The following WDR17 variants were observed in gnomAD, a reference collection of about 807,000 sequenced individuals.
The protein encoded by WDR17 is WD repeat domain 17.
Under a neutral mutation model 161.7 loss-of-function variants are expected in WDR17, and 143 were observed. The observed-to-expected ratio is 0.88, with a 90% confidence interval of 0.77 to 1.02. The LOEUF (loss-of-function observed/expected upper bound fraction) is 1.02, where lower values mean the gene tolerates loss of function less well. Among genes scored for constraint, WDR17 ranks in the 50% least tolerant of loss-of-function variants. The pLI is 0.00. For synonymous variants in WDR17, 517 were observed against 515.6 expected, an observed-to-expected ratio of 1.00 and a Z score of -0.04; for missense variants, 1,469 against 1,520.9, an observed-to-expected ratio of 0.97 and a Z score of 0.57.
intron 1 of WDR17, among the ~76,000 whole-genome samples, chr4:176,092,779 C>T (rs551344465): frequency 3.3e-5 from 5 of 152,234 alleles, no homozygotes; most frequent in South Asian, 2.1e-4. Context: ...CGGTGGCTCA[C>T]GTCTGTAATC....
intron 2 of WDR17, among the ~76,000 whole-genome samples, chr4:176,113,769 C>G (rs1740160453): frequency 6.6e-6 from 1 of 151,894 alleles, no homozygotes; most frequent in African/African-American, 2.4e-5. Context: ...CGGTCACACT[C>G]TGGATAATGA....
Position 176,125,328 on chromosome 4 carries a change from A to G in WDR17, c.763A>G (p.Ser255Gly). 1 of 1,614,132 alleles carries G rather than the reference A, an allele frequency of 6.2e-7. No individual in the cohort carries two copies. Among genetic ancestry groups the G allele is most frequent in the Non-Finnish European group, 8.5e-7 (1 of 1,180,004 alleles). Residue 255 changes from serine to glycine, a missense_variant, in exon 5 of 29, where the codon AGT becomes GGT. Physicochemically the swap from Ser to Gly is moderately conservative, Grantham distance 56. Coordinates refer to ENST00000508596, the MANE Select transcript of WDR17 (RefSeq NM_181265.4). ...ASVQCLAWVP[S>G]APGMFITGDS... Reference sequence around the variant, plus strand: ...TGTACAGTGCTTAGCCTGGGTTCCCAGTGCTCCTGGGATGTTTATAACTGG... The same window carrying G: ...TGTACAGTGCTTAGCCTGGGTTCCCGGTGCTCCTGGGATGTTTATAACTGG...
At chr4:176,100,738 T>C (rs1737686835) in intron 1 of WDR17, among the ~76,000 whole-genome samples, 1 of 152,152 alleles carries the variant, frequency 6.6e-6, no homozygotes, top group Non-Finnish European at 1.5e-5. Flanking sequence ...AAGTGTTTAG[T>C]ACATCTTGAA....
intron 1 of WDR17, among the ~76,000 whole-genome samples, chr4:176,101,412 A>T (rs565161472): frequency 2.6e-5 from 4 of 152,334 alleles, no homozygotes; most frequent in African/African-American, 9.6e-5. Context: ...AAACATTTAC[A>T]TGATAAACAA....
At chr4:176,149,588 A>G (rs6838194) in intron 13 of WDR17, among the ~76,000 whole-genome samples, 7,629 of 152,124 alleles carry the variant, frequency 0.05, 590 homozygotes, top group African/African-American at 0.16. Context: ...TGGTTATTCA[A>G]TTTTATATTC....
intron 1 of WDR17, among the ~76,000 whole-genome samples, chr4:176,074,013 A>C (rs1733614176): frequency 6.6e-6 from 1 of 150,784 alleles, no homozygotes; most frequent in South Asian, 2.1e-4. Flanking sequence ...CCTTTGTCAG[A>C]TGAGTAGGTT....
chr4:176,119,960 G>A lies in WDR17; in HGVS notation c.401G>A (p.Gly134Glu). 6.2e-7 allele frequency: 1 copy of A among 1,614,016 alleles called. No individual in the cohort carries two copies. Among genetic ancestry groups the A allele is most frequent in the Non-Finnish European group, 8.5e-7 (1 of 1,179,982 alleles). The change falls in exon 4 of 29, where the codon GGA becomes GAA. Residue 134 changes from glycine to glutamate, a missense_variant. Coordinates refer to ENST00000508596, the MANE Select transcript of WDR17 (RefSeq NM_181265.4). ...RGPLFIWTIS[G>E]PDSGVIVHKD... The stretch of plus-strand genomic sequence containing the variant: ...CCACTGTTCATTTGGACCATCTCAG[G>A]ACCAGATAGTGGAGTGATTGTACAC...
At chr4:176,162,487 A>G (rs1749175076) in intron 21 of WDR17, among the ~76,000 whole-genome samples, 1 of 152,214 alleles carries the variant, frequency 6.6e-6, no homozygotes, top group Non-Finnish European at 1.5e-5. Flanking sequence ...CTGGACGTAG[A>G]CACAAAATAT....
intron 1 of WDR17, among the ~76,000 whole-genome samples, chr4:176,079,845 G>A (rs190820820): frequency 6.6e-6 from 1 of 151,996 alleles, no homozygotes; most frequent in East Asian, 1.9e-4. Flanking sequence ...ACAAGGCGAG[G>A]GGGGGTGAGC....
intron 2 of WDR17, among the ~76,000 whole-genome samples, 197 bp downstream of exon 2, chr4:176,111,900 T>C (rs1739820729): frequency 6.6e-6 from 1 of 152,184 alleles, no homozygotes; most frequent in South Asian, 2.1e-4. Flanking sequence ...TATTAAATGA[T>C]TAGTAAATTT....
intron 23 of WDR17, 165 bp from the exon 24 acceptor site, chr4:176,172,210 T>C (rs1750835214): frequency 4.8e-6 from 3 of 625,612 alleles, no homozygotes; most frequent in Non-Finnish European, 5.3e-6. Context: ...TTAAAGGTAT[T>C]TCCATAAATA....
chr4:176,116,079 A>G (rs1230923984), intron 3 of WDR17, 100 bp downstream of exon 3: 1 of 1,191,846 alleles, frequency 8.4e-7, no homozygotes, highest in African/African-American at 1.6e-5. Flanking sequence ...TTGTTTTCAA[A>G]CTTCTTAATG....
Position 176,163,242 on chromosome 4 carries a change from C to T in WDR17, c.2939C>T (p.Thr980Ile), listed in dbSNP as rs1200469020. The change falls in exon 22 of 29, where the codon ACC (threonine) becomes ATC (isoleucine). Residue 980 changes from threonine to isoleucine, a missense_variant. Thr to Ile is a moderately conservative substitution (Grantham distance 89). Coordinates refer to ENST00000508596, the MANE Select transcript of WDR17 (RefSeq NM_181265.4). The part of the protein sequence containing the change: ...TVLGESAAPA[T>I]HYALELLARK... ...CTAGGAGAGTCTGCAGCACCAGCAA[C>T]CCACTATGCCTTAGAATTACTGGCG... 6.2e-7 allele frequency: 1 copy of T among 1,613,496 alleles called. No homozygotes were observed. The highest frequency in any genetic ancestry group is 1.1e-5 in the South Asian group (1 of 90,942).
chr4:176,089,586 C>T (rs747338032), intron 1 of WDR17, among the ~76,000 whole-genome samples: 26 of 151,580 alleles, frequency 1.7e-4, no homozygotes, highest in East Asian at 3.9e-4. Flanking sequence ...GTATGAGTGC[C>T]GAGTGTTGTA....
At chr4:176,098,913 T>C (rs1447534096) in intron 1 of WDR17, among the ~76,000 whole-genome samples, 1 of 152,062 alleles carries the variant, frequency 6.6e-6, no homozygotes, top group Non-Finnish European at 1.5e-5. Context: ...ATTTAAGTGT[T>C]GGTTTGTAAG....
intron 3 of WDR17, among the ~76,000 whole-genome samples, chr4:176,117,013 G>A (rs1740752816): frequency 6.6e-6 from 1 of 151,910 alleles, no homozygotes; most frequent in South Asian, 2.1e-4. Context: ...TATGTACCCT[G>A]TTTTTTATTT....
chr4:176,067,114 C>T (rs1002269573), intron 1 of WDR17, among the ~76,000 whole-genome samples: 1 of 152,142 alleles, frequency 6.6e-6, no homozygotes, highest in African/African-American at 2.4e-5. Context: ...GTGGAGAAAG[C>T]ACTCTTACAT....
chr4:176,167,602 G>A (rs951751327), intron 22 of WDR17, among the ~76,000 whole-genome samples: 2 of 123,766 alleles, frequency 1.6e-5, no homozygotes, highest in Non-Finnish European at 3.2e-5. Flanking sequence ...AGCCGAGATT[G>A]CGCCACTGCA....
At chr4:176,129,591 G>A (rs1450776948) in intron 6 of WDR17, among the ~76,000 whole-genome samples, 1 of 151,986 alleles carries the variant, frequency 6.6e-6, no homozygotes, top group East Asian at 1.9e-4. Flanking sequence ...AAAAGCATGG[G>A]GAAGGGATTT....
Sources: gnomAD v4.1 joint callset for allele counts (sites outside exome capture counted in the v4.1 genomes callset) on GRCh38, gnomAD v4.1.1 for gene constraint, MANE v1.5 for transcripts, NCBI Gene and HGNC (gene_info 2026-07-23, HGNC 2026-07-21) for gene names.